The following DIAPH1 variants were observed in gnomAD, a reference collection of about 807,000 sequenced individuals.
DIAPH1 encodes protein diaphanous homolog 1.
Under a neutral mutation model 140.7 loss-of-function variants are expected in DIAPH1, and 46 were observed. That is an observed-to-expected ratio of 0.33 (90% CI 0.26 to 0.42). DIAPH1 has a LOEUF of 0.42. Among genes scored for constraint, DIAPH1 ranks in the 10% least tolerant of loss-of-function variants. DIAPH1 has a pLI of 1.00. For synonymous variants in DIAPH1, 565 were observed against 551.6 expected, an observed-to-expected ratio of 1.02 and a Z score of -0.34; for missense variants, 1,310 against 1,558.7, an observed-to-expected ratio of 0.84 and a Z score of 2.69.
intron 13 of DIAPH1, 37 bp downstream of exon 13, chr5:141,576,719 C>A (rs1562323929): frequency 1.5e-6 from 2 of 1,311,126 alleles, no homozygotes; most frequent in Non-Finnish European, 2.2e-6. Flanking sequence ...AAGGAAGAAG[C>A]AATACTTGGA....
intron 18 of DIAPH1, among the ~76,000 whole-genome samples, chr5:141,545,848 A>T (rs973698285): frequency 1.3e-5 from 2 of 152,348 alleles, no homozygotes; most frequent in Non-Finnish European, 2.9e-5. Flanking sequence ...CTGTGTTCCA[A>T]TAAAACCTTA....
At chr5:141,582,271 CGTCCAGATGG>C (rs756476997) in intron 7 of DIAPH1, 31 bp downstream of exon 7, 5 of 1,464,774 alleles carry the variant, frequency 3.4e-6, no homozygotes, top group Non-Finnish European at 4.8e-6. Flanking sequence ...AAAGAACAGG[CGTCCAGATGG>C]GGTTTGGAAT....
chr5:141,553,527 C>T (rs1221275533), intron 18 of DIAPH1, among the ~76,000 whole-genome samples: 2 of 151,368 alleles, frequency 1.3e-5, no homozygotes, highest in African/African-American at 2.4e-5. Context: ...TATGTAATTC[C>T]AGCTACTCAG....
chr5:141,556,561 G>A (rs1471825391), intron 18 of DIAPH1, among the ~76,000 whole-genome samples: 1 of 152,132 alleles, frequency 6.6e-6, no homozygotes, highest in East Asian at 1.9e-4. Flanking sequence ...AAGGTGGCAG[G>A]GCATTGCTCC....
chr5:141,612,521 A>C (rs2099901999), intron 1 of DIAPH1, among the ~76,000 whole-genome samples: 2 of 152,264 alleles, frequency 1.3e-5, no homozygotes, highest in South Asian at 4.1e-4. Flanking sequence ...TCACAATAAA[A>C]GAAGCCCCAG....
chr5:141,613,806 T>C (rs1286880880), intron 1 of DIAPH1, among the ~76,000 whole-genome samples: 1 of 152,204 alleles, frequency 6.6e-6, no homozygotes, highest in African/African-American at 2.4e-5. Flanking sequence ...GTAAAATATG[T>C]TCATAGTAAT....
chr5:141,591,179 G>C (rs552469917), intron 1 of DIAPH1, among the ~76,000 whole-genome samples: 283 of 152,178 alleles, frequency 1.9e-3, no homozygotes, highest in Non-Finnish European at 3.3e-3. Flanking sequence ...GCCCTAGGCT[G>C]CTGCCTCCTC....
chr5:141,543,346 T>C (rs917544956), intron 18 of DIAPH1, among the ~76,000 whole-genome samples: 1 of 152,198 alleles, frequency 6.6e-6, no homozygotes. Flanking sequence ...AATTAGCAGA[T>C]GCCAAGTTGG....
intron 1 of DIAPH1, among the ~76,000 whole-genome samples, chr5:141,605,548 A>G (rs1453224475): frequency 6.6e-6 from 1 of 152,152 alleles, no homozygotes; most frequent in African/African-American, 2.4e-5. Context: ...TTAAGGAAAC[A>G]CTCCTGACAA....
rs138123256 is a variant in DIAPH1 at position 141,606,288 on chromosome 5, T to C, written c.117+12510A>G. Among the ~76,000 whole-genome samples the C allele has an allele frequency of 9.8e-5, 15 of 152,342 alleles. No individual in the cohort carries two copies. In the East Asian group the frequency reaches 1.7e-3, roughly 18 times the overall value. On this transcript the variant is annotated intron_variant, in intron 1 of 27. Transcript: ENST00000389054. ...TCAATGTAAACCTTTCTGTAGCCAT[T>C]AAAGATCATATTAATAGATTCAAAT... is the stretch of plus-strand genomic sequence containing the variant.
At position 141,516,779 on chromosome 5, in the gene DIAPH1, C is replaced by T. The variant is rs1048107293; in HGVS notation, c.*72G>A. ...ACCCCAGAGGAATATCCCCTTGAGC[C>T]TTTAGGCACATGCTGCAGGGCAGGA... On this transcript the variant is annotated 3_prime_UTR_variant, in exon 28 of 28. Coordinates refer to ENST00000389054, the MANE Select transcript of DIAPH1 (RefSeq NM_005219.5). 5.7e-6 allele frequency: 9 copies of T among 1,587,792 alleles called. No homozygotes were observed. In the African/African-American group the frequency reaches 8.1e-5, roughly 14 times the overall value.
intron 16 of DIAPH1, 64 bp downstream of exon 16, chr5:141,573,428 C>A: frequency 1.3e-6 from 2 of 1,536,164 alleles, no homozygotes; most frequent in African/African-American, 1.5e-5. Context: ...GAGCGAAACT[C>A]CGTCTCAAAA....
At chr5:141,609,843 T>C (rs11167753) in intron 1 of DIAPH1, among the ~76,000 whole-genome samples, 37,154 of 152,128 alleles carry the variant, frequency 0.24, 4,831 homozygotes, top group Admixed American at 0.33. Flanking sequence ...AAAAAATGCT[T>C]CCACGATAAA....
chr5:141,580,716 G>C lies in DIAPH1; in HGVS notation c.824+28C>G, dbSNP rs145381797. 481 of 1,612,370 alleles carry C rather than the reference G, an allele frequency of 3.0e-4. 1 individual carries two copies. The African/African-American group carries it at 5.5e-3, about 19-fold the overall frequency. On this transcript the variant is annotated intron_variant, in intron 8 of 27. Transcript: ENST00000389054. ...AGAGAAAATGATAAAATTGAAAATGGAGAAGAAAAATTATTCCAGTCACAT... is the reference window on the plus strand; with the variant it reads ...AGAGAAAATGATAAAATTGAAAATGCAGAAGAAAAATTATTCCAGTCACAT...
intron 19 of DIAPH1, among the ~76,000 whole-genome samples, chr5:141,532,235 A>G (rs1327167817): frequency 6.6e-6 from 1 of 151,936 alleles, no homozygotes; most frequent in Non-Finnish European, 1.5e-5. Context: ...GCAGTGGTGC[A>G]ATCACAGCTC....
chr5:141,532,570 C>T (rs2099888392), intron 19 of DIAPH1, among the ~76,000 whole-genome samples: 1 of 152,094 alleles, frequency 6.6e-6, no homozygotes, highest in Non-Finnish European at 1.5e-5. Flanking sequence ...ATTTAGATCC[C>T]TCCCTTCCTA....
chr5:141,524,114 C>T (rs2099886950), intron 27 of DIAPH1, 29 bp downstream of exon 27: 1 of 1,606,802 alleles, frequency 6.2e-7, no homozygotes, highest in African/African-American at 1.3e-5. Context: ...CCCTTCGACA[C>T]CCAGGATGAG....
intron 1 of DIAPH1, among the ~76,000 whole-genome samples, chr5:141,616,301 A>G (rs955576851): frequency 6.6e-6 from 1 of 152,248 alleles, no homozygotes; most frequent in Non-Finnish European, 1.5e-5. Context: ...TGCATAAGCC[A>G]GGAAAGGTAT....
intron 1 of DIAPH1, among the ~76,000 whole-genome samples, chr5:141,603,262 C>A (rs1293216637): frequency 1.3e-5 from 2 of 152,170 alleles, no homozygotes; most frequent in Non-Finnish European, 2.9e-5. Flanking sequence ...AAACTAAGCA[C>A]TGGAGAGTTA....
Sources: allele counts gnomAD v4.1 joint callset (sites outside exome capture counted in the v4.1 genomes callset), GRCh38; gene constraint gnomAD v4.1.1; transcripts MANE v1.5; gene names NCBI Gene and HGNC (gene_info 2026-07-23, HGNC 2026-07-21).